The following PARVB variants were observed in gnomAD, a reference collection of about 807,000 sequenced individuals.
PARVB encodes parvin beta.
Under a neutral mutation model 47.0 loss-of-function variants are expected in PARVB, and 46 were observed. That is an observed-to-expected ratio of 0.98 (90% CI 0.77 to 1.25). PARVB has a LOEUF of 1.25. Ranked by LOEUF, PARVB falls within the 50% of genes most tolerant of loss-of-function variation. The probability of loss-of-function intolerance (pLI) is 0.00; values close to 1 mark genes in which losing one functional copy is unlikely to be tolerated. For synonymous variants in PARVB, 196 were observed against 196.3 expected, an observed-to-expected ratio of 1.00 and a Z score of 0.01; for missense variants, 473 against 471.6, an observed-to-expected ratio of 1.00 and a Z score of -0.03.
chr22:44,061,763 C>T (rs866883434), intron 1 of PARVB, among the ~76,000 whole-genome samples: 11 of 151,984 alleles, frequency 7.2e-5, no homozygotes, highest in African/African-American at 2.2e-4. Flanking sequence ...ACTATAGGTG[C>T]GCACTACCAC....
At position 44,103,567 on chromosome 22, in the gene PARVB, C is replaced by T. The variant is rs1231004879; in HGVS notation, c.273+3444C>T. The T allele has an allele frequency of 6.6e-6, 1 of 152,220 alleles. No homozygotes were observed. The highest frequency in any genetic ancestry group is 1.5e-5 in the Non-Finnish European group (1 of 68,044). 9.4% of individuals were successfully genotyped at this position (152,220 alleles called of 1,614,324 possible). A position where few individuals can be genotyped will look rare whatever the true frequency, so the allele number is the denominator to read the frequency against. On this transcript the variant is annotated intron_variant, in intron 3 of 12. Coordinates refer to ENST00000338758, the MANE Select transcript of PARVB (RefSeq NM_013327.5). This position sits in a 1 kb window ranked among gnomAD's most constrained non-coding sequence, Gnocchi z 4.6. ...TCCCCAAAGATGACCATGTGATAATCCCTGGAGCCATTGACTATCATCTTA... is the reference window on the plus strand; with the variant it reads ...TCCCCAAAGATGACCATGTGATAATTCCTGGAGCCATTGACTATCATCTTA...
rs540591936 is a variant in PARVB, at chr22:44,163,753, G to A, written c.946-105G>A. ...TCACTGGGTCCTTGTGGACGTCAGC[G>A]TTGCAGAGGCTCGGTCCTGTCCATG... is the stretch of plus-strand genomic sequence containing the variant. On this transcript the variant is annotated intron_variant, in intron 11 of 12. Transcript: ENST00000338758. 68 of 948,900 alleles carry A rather than the reference G, an allele frequency of 7.2e-5. No individual in the cohort carries two copies. In the African/African-American group the frequency reaches 8.3e-4, roughly 12 times the overall value. 58.8% of individuals were successfully genotyped at this position (948,900 alleles called of 1,614,324 possible).
chr22:44,077,288 T>G (rs1201529579), intron 1 of PARVB, among the ~76,000 whole-genome samples: 1 of 152,146 alleles, frequency 6.6e-6, no homozygotes, highest in Admixed American at 6.5e-5. Context: ...GCCACATCAC[T>G]CCAGCCTCTG....
chr22:44,088,120 C>T (rs138111606), intron 1 of PARVB, among the ~76,000 whole-genome samples: 187 of 152,280 alleles, frequency 1.2e-3, no homozygotes, highest in Non-Finnish European at 2.3e-3. Flanking sequence ...AGTGGTCAAG[C>T]TGGGATCCAA....
intron 7 of PARVB, chr22:44,139,228 A>AG (rs923240325): frequency 6.6e-6 from 1 of 152,452 alleles, no homozygotes; most frequent in African/African-American, 2.4e-5. Flanking sequence ...TATTTGAGAC[A>AG]GGGTCTTGCT....
At chr22:44,153,497 T>A (rs1421611559) in intron 10 of PARVB, 1 of 151,900 alleles carries the variant, frequency 6.6e-6, no homozygotes, top group Non-Finnish European at 1.5e-5. Context: ...CCTGGCTAAT[T>A]TTTTTGTATT....
At position 44,079,733 on chromosome 22, in the gene PARVB, G is replaced by T. The variant is rs191231756; in HGVS notation, c.113-14195G>T. On this transcript the variant is annotated intron_variant, in intron 1 of 12. Coordinates refer to ENST00000338758, the MANE Select transcript of PARVB (RefSeq NM_013327.5). ...ACTTGAGGTCAGGAGTTCGAGACCA[G>T]CCTGGCCAACATGGTGAAACCCCGT... 1.1e-4 allele frequency among the ~76,000 whole-genome samples: 17 copies of T among 152,276 alleles called. No homozygotes were observed. In the East Asian group the frequency reaches 3.1e-3, roughly 28 times the overall value.
intron 1 of PARVB, among the ~76,000 whole-genome samples, chr22:44,070,685 G>A (rs758276229): frequency 2.2e-4 from 33 of 152,196 alleles, no homozygotes; most frequent in Non-Finnish European, 3.8e-4. Flanking sequence ...GCTCTTCAGG[G>A]ACAATAGACC....
chr22:44,126,777 C>A (rs1299242737), intron 4 of PARVB, among the ~76,000 whole-genome samples: 1 of 152,236 alleles, frequency 6.6e-6, no homozygotes, highest in East Asian at 1.9e-4. Context: ...ATTTCTGATT[C>A]TTTTGCCTGC....
At chr22:44,099,986 C>T in intron 2 of PARVB, 67 bp from the exon 3 acceptor site, 1 of 1,309,344 alleles carries the variant, frequency 7.6e-7, no homozygotes, top group Non-Finnish European at 1.1e-6. Flanking sequence ...AGTTGGCCTC[C>T]CCCTGGTTCC....
At chr22:44,133,195 T>A (rs1420172786) in intron 6 of PARVB, among the ~76,000 whole-genome samples, 186 bp downstream of exon 6, 1 of 152,066 alleles carries the variant, frequency 6.6e-6, no homozygotes, top group Non-Finnish European at 1.5e-5. Flanking sequence ...AACAATGGCA[T>A]TGATTTGATG....
At chr22:44,160,884 C>G in intron 11 of PARVB, among the ~76,000 whole-genome samples, 1 of 152,166 alleles carries the variant, frequency 6.6e-6, no homozygotes, top group East Asian at 1.9e-4. Flanking sequence ...CTGAGTGTCT[C>G]CACGTGTCAT....
At chr22:44,078,451 G>A (rs2051825363) in intron 1 of PARVB, among the ~76,000 whole-genome samples, 1 of 152,200 alleles carries the variant, frequency 6.6e-6, no homozygotes. Context: ...CCATGTCGGG[G>A]CAGGCATGGG....
At position 44,172,689 on chromosome 22, in the gene PARVB, G is replaced by A. The variant is rs1034619983; in HGVS notation, c.*4011G>A. On this transcript the variant is annotated 3_prime_UTR_variant, in exon 13 of 13. Transcript: ENST00000338758. ...TGAATCCTTTCCCCCTGTTTTGTGT[G>A]CCAGTATTTTACTGTCTTCTTAATT... The A allele has an allele frequency of 5.4e-5, 14 of 259,004 alleles. No individual in the cohort carries two copies. Among genetic ancestry groups the A allele is most frequent in the Non-Finnish European group, 9.2e-5 (12 of 130,244 alleles). The allele number at this position is 259,004 out of a possible 1,614,324, so 16.0% of individuals were successfully genotyped here. A position where few individuals can be genotyped will look rare whatever the true frequency, so the allele number is the denominator to read the frequency against.
chr22:44,022,928 G>A (rs894843508), upstream of PARVB, among the ~76,000 whole-genome samples: 1 of 151,666 alleles, frequency 6.6e-6, no homozygotes, highest in Non-Finnish European at 1.5e-5. Flanking sequence ...TGTATTTTTA[G>A]TAGAGATGGG....
intron 2 of PARVB, among the ~76,000 whole-genome samples, chr22:44,095,506 A>G (rs754027062): frequency 8.2e-4 from 89 of 108,446 alleles, no homozygotes; most frequent in South Asian, 3.1e-3. Context: ...ATCTCAAAGT[A>G]AAAAAAAAAA....
chr22:44,027,913 CCAT>C lies in PARVB; in HGVS notation c.112+3463_112+3465del, dbSNP rs1428275079. Among the ~76,000 whole-genome samples, 5 of 62,362 alleles carry C rather than the reference CCAT, an allele frequency of 8.0e-5. No homozygotes were observed. In the South Asian group the frequency reaches 3.0e-3, roughly 37 times the overall value. 40.9% of individuals were successfully genotyped at this position (62,362 alleles called of 152,430 possible). ...ACTCCATATCAAATAGAAAAAAAAACCATATATATATATATATATATATATATT... is the reference window on the plus strand; with the variant it reads ...ACTCCATATCAAATAGAAAAAAAAACATATATATATATATATATATATATT... On this transcript the variant is annotated intron_variant, in intron 1 of 12. Coordinates refer to ENST00000338758, the MANE Select transcript of PARVB (RefSeq NM_013327.5).
chr22:44,028,308 T>TTG lies in PARVB; in HGVS notation c.112+3858_112+3859insGT, dbSNP rs1375470360. 1.6e-4 allele frequency among the ~76,000 whole-genome samples: 21 copies of TTG among 129,378 alleles called. No individual in the cohort carries two copies. In the South Asian group the frequency reaches 4.6e-3, roughly 29 times the overall value. 84.9% of individuals were successfully genotyped at this position (129,378 alleles called of 152,430 possible). On this transcript the variant is annotated intron_variant, in intron 1 of 12. Transcript: ENST00000338758. ...AATCCCTGGCAACCACGGATCATTTTTTTGTTTTGTTTTTTTGGTTTTTGT... is the reference window on the plus strand; with the variant it reads ...AATCCCTGGCAACCACGGATCATTTTTGTTTGTTTTGTTTTTTTGGTTTTTGT...
chr22:44,022,778 G>A (rs750148556), upstream of PARVB, among the ~76,000 whole-genome samples: 11 of 149,886 alleles, frequency 7.3e-5, no homozygotes, highest in South Asian at 2.1e-4. Context: ...ACAGAGTCTC[G>A]CTCTGTCACC....
Sources: allele counts gnomAD v4.1 joint callset (sites outside exome capture counted in the v4.1 genomes callset), GRCh38; gene constraint gnomAD v4.1.1; non-coding constraint Gnocchi (gnomAD v3.1); transcripts MANE v1.5; gene names NCBI Gene and HGNC (gene_info 2026-07-23, HGNC 2026-07-21).